Variants in CHD5 observed in about 807,000 individuals in gnomAD.
CHD5 encodes the protein ATP-dependent chromatin remodeler CHD5.
A neutral mutation model predicts 230.3 loss-of-function variants in CHD5; 69 were observed. The observed-to-expected ratio is 0.30, with a 90% CI of 0.25 to 0.37. The LOEUF is 0.37. Ranked by LOEUF, CHD5 falls within the 10% of genes least tolerant of loss-of-function variation. The pLI is 1.00. For synonymous variants in CHD5, 1,064 were observed against 1,065.9 expected (o/e 1.00, Z 0.03); for missense variants, 1,827 against 2,622.8 (o/e 0.70, Z 6.63).
chr1:6,109,097 C>T (rs1666243506), intron 38 of CHD5, among the ~76,000 whole-genome samples: 1 of 152,062 alleles, frequency 6.6e-6, no homozygotes, highest in Non-Finnish European at 1.5e-5. Context: ...CAAAGAACTC[C>T]TCCCAGGAGC....
chr1:6,145,438 G>C (rs1557552061), intron 11 of CHD5, among the ~76,000 whole-genome samples: 2 of 152,248 alleles, frequency 1.3e-5, no homozygotes, highest in African/African-American at 4.8e-5. Context: ...CCAGGCAGCA[G>C]GTACTCTGGG....
rs1343160243 is a variant in CHD5 at position 6,104,321 on chromosome 1, T to TC, written c.*1152dup. The TC allele has an allele frequency of 6.6e-6, 1 of 151,872 alleles. No individual in the cohort carries two copies. The highest frequency in any genetic ancestry group is 1.5e-5 in the Non-Finnish European group (1 of 67,968). The allele number at this position is 151,872 out of a possible 1,614,324, so 9.4% of individuals were successfully genotyped here. On this transcript the variant is annotated 3_prime_UTR_variant, in exon 42 of 42. Transcript: ENST00000262450. ...GGTCTGCAGAGGGCACTGGGTCCAG[T>TC]CCCCCTCCAGGCAGAACTCTCCCCA...
chr1:6,163,110 T>C (rs1667202808), intron 2 of CHD5, among the ~76,000 whole-genome samples: 1 of 152,168 alleles, frequency 6.6e-6, no homozygotes, highest in African/African-American at 2.4e-5. Flanking sequence ...CCGCTCAGGG[T>C]TAAGTGGCAG....
chr1:6,102,102 C>A lies in CHD5; in HGVS notation c.*3372G>T, dbSNP rs750132595. On this transcript the variant is annotated 3_prime_UTR_variant, in exon 42 of 42. Coordinates refer to ENST00000262450, the MANE Select transcript of CHD5 (RefSeq NM_015557.3). ...GCCGGTGGAGTCTGCTCCCTCCACACCCCTGAACTCAGACCCCACGGGCCA... is the reference window on the plus strand; with the variant it reads ...GCCGGTGGAGTCTGCTCCCTCCACAACCCTGAACTCAGACCCCACGGGCCA... 1.4e-5 allele frequency: 5 copies of A among 359,144 alleles called. No homozygotes were observed. The highest frequency in any genetic ancestry group is 9.9e-5 in the South Asian group (5 of 50,346). The allele number at this position is 359,144 out of a possible 1,614,324, so 22.2% of individuals were successfully genotyped here. A position where few individuals can be genotyped will look rare whatever the true frequency, so the allele number is the denominator to read the frequency against.
intron 38 of CHD5, among the ~76,000 whole-genome samples, chr1:6,108,311 A>G (rs1666229175): frequency 7.3e-6 from 1 of 137,716 alleles, no homozygotes; most frequent in African/African-American, 2.8e-5. Flanking sequence ...GGGAAGATGG[A>G]GAGACGGAGG....
At chr1:6,148,016 T>C (rs1037437123) in intron 9 of CHD5, among the ~76,000 whole-genome samples, 2 of 151,230 alleles carry the variant, frequency 1.3e-5, no homozygotes, top group Non-Finnish European at 3.0e-5. Flanking sequence ...CCCCAGGGCC[T>C]TCCATCAATC....
chr1:6,122,705 C>T (rs1666490236), intron 31 of CHD5, among the ~76,000 whole-genome samples: 1 of 152,166 alleles, frequency 6.6e-6, no homozygotes, highest in African/African-American at 2.4e-5. Context: ...TTCACAGCAG[C>T]CAAAAAGTAG....
intron 33 of CHD5, 112 bp downstream of exon 33, chr1:6,120,993 C>T: frequency 1.6e-6 from 2 of 1,287,130 alleles, no homozygotes; most frequent in Non-Finnish European, 2.1e-6. Flanking sequence ...TTGGAGTCTA[C>T]CTCTCTGCCA....
intron 3 of CHD5, among the ~76,000 whole-genome samples, chr1:6,158,221 A>G (rs1371034845): frequency 1.3e-5 from 2 of 152,124 alleles, no homozygotes; most frequent in Non-Finnish European, 2.9e-5. Flanking sequence ...ATGACCATAA[A>G]GGCCTGGCTT....
chr1:6,125,072 A>C lies in CHD5; in HGVS notation c.4394+28T>G, dbSNP rs755630798. On this transcript the variant is annotated intron_variant, in intron 29 of 41. Coordinates refer to ENST00000262450, the MANE Select transcript of CHD5 (RefSeq NM_015557.3). The surrounding 1 kb of genome is among the most constrained non-coding windows in gnomAD (Gnocchi z 6.7). ...GCCCTACTCAGGGGCAGGTGGTCACACCCTGGGCCACCACCTAGCCCCTTT... is the reference window on the plus strand; with the variant it reads ...GCCCTACTCAGGGGCAGGTGGTCACCCCCTGGGCCACCACCTAGCCCCTTT... 7.8e-6 allele frequency: 12 copies of C among 1,539,142 alleles called. No homozygotes were observed. The East Asian group carries it at 2.6e-4, about 34-fold the overall frequency.
At position 6,130,246 on chromosome 1, in the gene CHD5, G is replaced by T; in HGVS notation, c.3345C>A (p.Val1115=). Residue 1115 remains valine (V), a synonymous_variant, in exon 22 of 42, where the codon GTC becomes GTA. Coordinates refer to ENST00000262450, the MANE Select transcript of CHD5 (RefSeq NM_015557.3). The surrounding 1 kb of genome is among the most constrained non-coding windows in gnomAD (Gnocchi z 4.9). The part of the protein sequence containing the change: ...LGINLATADT[V]IIYDSDWNPH... ...GGTTCCAGTCCGAGTCGTAGATGATGACAGTGTCCGCCGTGGCCAGGTTGA... is the reference window on the plus strand; with the variant it reads ...GGTTCCAGTCCGAGTCGTAGATGATTACAGTGTCCGCCGTGGCCAGGTTGA... 6.2e-7 allele frequency: 1 copy of T among 1,614,106 alleles called. No homozygotes were observed. The highest frequency in any genetic ancestry group is 8.5e-7 in the Non-Finnish European group (1 of 1,179,990).
At chr1:6,116,914 A>G (rs886762830) in intron 33 of CHD5, among the ~76,000 whole-genome samples, 3 of 152,260 alleles carry the variant, frequency 2.0e-5, no homozygotes. Flanking sequence ...ATAACAACAA[A>G]TTTGGGAAAG....
rs924251431 is a variant in CHD5 at position 6,102,607 on chromosome 1, T to C, written c.*2867A>G. ...CCACCTCCTTGGGCCTCAAGTGTCCTGGGATGACAGGAGTGAGGGCTGCAG... is the reference window on the plus strand; with the variant it reads ...CCACCTCCTTGGGCCTCAAGTGTCCCGGGATGACAGGAGTGAGGGCTGCAG... On this transcript the variant is annotated 3_prime_UTR_variant, in exon 42 of 42. Transcript: ENST00000262450. The C allele has an allele frequency of 2.6e-5, 4 of 152,224 alleles. No individual in the cohort carries two copies. Among genetic ancestry groups the C allele is most frequent in the African/African-American group, 9.7e-5 (4 of 41,444 alleles). 9.4% of individuals were successfully genotyped at this position (152,224 alleles called of 1,614,324 possible).
Position 6,110,127 on chromosome 1 carries a change from T to C in CHD5, c.5383-137A>G, listed in dbSNP as rs1483135231. 5.2e-6 allele frequency: 5 copies of C among 964,704 alleles called. No homozygotes were observed. The Admixed American group carries it at 1.5e-4, about 28-fold the overall frequency. 59.8% of individuals were successfully genotyped at this position (964,704 alleles called of 1,614,324 possible). A position where few individuals can be genotyped will look rare whatever the true frequency, so the allele number is the denominator to read the frequency against. ...ACGTACTGCCATCTGCTGCCCACCC[T>C]GGCCTGGTGGTGGCCAACCCTTGGA... On this transcript the variant is annotated intron_variant, in intron 37 of 41. Coordinates refer to ENST00000262450, the MANE Select transcript of CHD5 (RefSeq NM_015557.3).
At chr1:6,173,164 G>A (rs990852983) in intron 1 of CHD5, among the ~76,000 whole-genome samples, 6 of 151,128 alleles carry the variant, frequency 4.0e-5, no homozygotes, top group African/African-American at 1.2e-4. Context: ...GAGTGCAGTG[G>A]CGCGATCTCG....
intron 35 of CHD5, 119 bp from the exon 36 acceptor site, chr1:6,112,002 C>A: frequency 7.3e-7 from 1 of 1,379,044 alleles, no homozygotes. Context: ...GTCCAGTGTT[C>A]CAGGGTGGCT....
At position 6,149,495 on chromosome 1, in the gene CHD5, GCA is replaced by G. The variant is rs112132010; in HGVS notation, c.995-85_995-84del. On this transcript the variant is annotated intron_variant, in intron 7 of 41. Transcript: ENST00000262450. Reference sequence around the variant, plus strand: ...AACTGCATCGCCCCAGGCCAGACAGGCACAGAGTAGATGTCTAATAGAGGGTG... The same window carrying G: ...AACTGCATCGCCCCAGGCCAGACAGGCAGAGTAGATGTCTAATAGAGGGTG... 7.6e-4 allele frequency: 1,069 copies of G among 1,399,356 alleles called. 8 individuals are homozygous for G. The African/African-American group carries it at 0.013, about 17-fold the overall frequency. The allele number at this position is 1,399,356 out of a possible 1,614,324, so 86.7% of individuals were successfully genotyped here.
Position 6,129,002 on chromosome 1 carries a change from G to T in CHD5, c.3455C>A (p.Ala1152Asp). The T allele has an allele frequency of 6.2e-7, 1 of 1,611,896 alleles. No homozygotes were observed. The stretch of plus-strand genomic sequence containing the variant: ...CTGCGTGATGCGCTCCTCCACCGAG[G>T]CCCGAGTCACGAAGCGGTAGATCAT... ...KVMIYRFVTRASVEERITQVA... is the reference protein window; with the variant it reads ...KVMIYRFVTRDSVEERITQVA... The change falls in exon 23 of 42, where the codon GCC (alanine) becomes GAC (aspartate). Residue 1152 changes from alanine (A) to aspartate (D), a missense_variant. Around this residue, in one of 14 missense-constraint regions of CHD5, gnomAD observed 81 missense variants for 245.4 expected, o/e 0.33. Transcript: ENST00000262450. The surrounding 1 kb of genome is among the most constrained non-coding windows in gnomAD (Gnocchi z 6.8).
At chr1:6,170,098 T>C (rs968198441) in intron 1 of CHD5, among the ~76,000 whole-genome samples, 28 of 152,174 alleles carry the variant, frequency 1.8e-4, no homozygotes, top group African/African-American at 5.8e-4. Context: ...TTTTTGATCA[T>C]AACCACCTAC....
Sources: allele counts gnomAD v4.1 joint callset (sites outside exome capture counted in the v4.1 genomes callset), GRCh38; gene constraint gnomAD v4.1.1; regional missense constraint gnomAD v4.1.1; non-coding constraint Gnocchi (gnomAD v3.1); transcripts MANE v1.5; gene names NCBI Gene and HGNC (gene_info 2026-07-23, HGNC 2026-07-21).